The following POLR3A variants were observed in gnomAD, a reference collection of about 807,000 sequenced individuals.
The protein encoded by POLR3A is RNA polymerase III subunit A.
A neutral mutation model predicts 152.8 loss-of-function variants in POLR3A; 112 were observed. That is an observed-to-expected ratio of 0.73 (90% CI 0.63 to 0.86). The LOEUF is 0.86. POLR3A is among the 40% of genes least tolerant of loss of function. POLR3A has a pLI of 0.00. For missense variants in POLR3A, 1,385 were observed against 1,743.1 expected (o/e 0.79, Z 3.66); for synonymous variants, 615 against 652.1 (o/e 0.94, Z 0.87).
chr10:78,003,349 T>A (rs1033956891), intron 16 of POLR3A, among the ~76,000 whole-genome samples: 1 of 152,236 alleles, frequency 6.6e-6, no homozygotes, highest in African/African-American at 2.4e-5. Flanking sequence ...AACTTCCCAA[T>A]GCTTAAAGAG....
At chr10:78,000,829 T>C (rs1311548946) in intron 18 of POLR3A, 147 bp downstream of exon 18, 3 of 617,578 alleles carry the variant, frequency 4.9e-6, no homozygotes, top group Non-Finnish European at 9.2e-6. Context: ...CGGCCTGAAG[T>C]GTATCTTAAT....
intron 1 of POLR3A, 78 bp from the exon 2 acceptor site, chr10:78,026,307 A>C: frequency 1.4e-6 from 2 of 1,447,544 alleles, no homozygotes; most frequent in Non-Finnish European, 1.9e-6. Flanking sequence ...AGCCCACCAT[A>C]ACCAACCTAT....
chr10:78,021,848 T>C lies in POLR3A; in HGVS notation c.1048+12A>G. 1 of 1,613,260 alleles carries C rather than the reference T, an allele frequency of 6.2e-7. No individual in the cohort carries two copies. The highest frequency in any genetic ancestry group is 1.1e-5 in the South Asian group (1 of 91,034). On this transcript the variant is annotated intron_variant, in intron 7 of 30. Transcript: ENST00000372371. ...AGTGGGCTGGCTTCTGCACATCTTGTGGGAAACCTACCCTGTTTTCCCTTC... is the reference window on the plus strand; with the variant it reads ...AGTGGGCTGGCTTCTGCACATCTTGCGGGAAACCTACCCTGTTTTCCCTTC...
chr10:77,978,243 C>T (rs1444747850), intron 30 of POLR3A, among the ~76,000 whole-genome samples: 1 of 152,182 alleles, frequency 6.6e-6, no homozygotes, highest in African/African-American at 2.4e-5. Context: ...AGCCCCATGT[C>T]AACCTGGCAT....
chr10:78,027,713 C>T lies in POLR3A; in HGVS notation c.45-1484G>A, dbSNP rs561760200. ...TTACAGGCATACAGGCATGCGCCAC[C>T]GCACCCAGCTAATTTTTGTATTTTT... On this transcript the variant is annotated intron_variant, in intron 1 of 30. Coordinates refer to ENST00000372371, the MANE Select transcript of POLR3A (RefSeq NM_007055.4). Among the ~76,000 whole-genome samples, 390 of 152,070 alleles carry T rather than the reference C, an allele frequency of 2.6e-3. 5 individuals carry two copies. Among genetic ancestry groups the T allele is most frequent in the African/African-American group, 8.7e-3 (360 of 41,416 alleles).
In POLR3A at chr10:77,993,330, T is replaced by G; in HGVS notation, c.2654A>C (p.Gln885Pro). 1 of 1,613,700 alleles carries G rather than the reference T, an allele frequency of 6.2e-7. No individual in the cohort carries two copies. The highest frequency in any genetic ancestry group is 8.5e-7 in the Non-Finnish European group (1 of 1,179,622). Residue 885 changes from glutamine to proline, a missense_variant, in exon 20 of 31, where the codon CAG becomes CCG. By Grantham distance (76) the Gln-to-Pro change is moderately conservative (BLOSUM62 -1). This residue lies in a region of POLR3A where 178 missense variants were observed against 204.6 expected (regional missense o/e 0.87). Coordinates refer to ENST00000372371, the MANE Select transcript of POLR3A (RefSeq NM_007055.4). Reference sequence around the variant, plus strand: ...AGAGCTTCGGACTGTCAGATCATACTGGGAGCAAAGATCTTCAAGAGATTT... The same window carrying G: ...AGAGCTTCGGACTGTCAGATCATACGGGGAGCAAAGATCTTCAAGAGATTT... Reference protein sequence around the residue: ...LVKSLEDLCSQYDLTVRSSTG... With the variant: ...LVKSLEDLCSPYDLTVRSSTG...
chr10:77,985,167 C>A lies in POLR3A; in HGVS notation c.3242+3G>T. On this transcript the variant is annotated splice_donor_region_variant and intron_variant, in intron 24 of 30. Transcript: ENST00000372371. ...GGAACAAGAAGGAAATGAAAGCAGG[C>A]ACCTGATGGCCTTGGAAGCGTTGAT... 1 of 1,612,816 alleles carries A rather than the reference C, an allele frequency of 6.2e-7. No individual in the cohort carries two copies. Among genetic ancestry groups the A allele is most frequent in the South Asian group, 1.1e-5 (1 of 91,068 alleles).
chr10:78,024,444 G>T, intron 5 of POLR3A, 105 bp downstream of exon 5: 2 of 1,089,794 alleles, frequency 1.8e-6, no homozygotes, highest in Middle Eastern at 2.8e-4. Flanking sequence ...GGAAGAAAGT[G>T]GGTGTCTAGG....
At chr10:78,018,841 C>T (rs544390582) in intron 9 of POLR3A, among the ~76,000 whole-genome samples, 17 of 152,282 alleles carry the variant, frequency 1.1e-4, no homozygotes, top group African/African-American at 4.1e-4. Flanking sequence ...CCACCTTGGC[C>T]TCACAAAGTG....
In POLR3A at chr10:78,029,393, C is replaced by T. The variant is rs751868728; in HGVS notation, c.15G>A (p.Gln5=). The stretch of plus-strand genomic sequence containing the variant: ...TCTTGGCCACATCCGTCTCCCGGAA[C>T]TGCTCCTTCACCATGATGACCGCTG... MVKE[Q]FRETDVAKKI... is the part of the protein sequence containing the mutation. The change falls in exon 1 of 31, where the codon CAG becomes CAA. Residue 5 remains glutamine, a synonymous_variant. Coordinates refer to ENST00000372371, the MANE Select transcript of POLR3A (RefSeq NM_007055.4). The T allele has an allele frequency of 1.2e-6, 2 of 1,614,176 alleles. No homozygotes were observed. Among genetic ancestry groups the T allele is most frequent in the South Asian group, 2.2e-5 (2 of 91,090 alleles).
chr10:78,013,834 A>T (rs1253565491), intron 10 of POLR3A, 44 bp from the exon 11 acceptor site: 2 of 1,613,470 alleles, frequency 1.2e-6, no homozygotes, highest in Admixed American at 3.3e-5. Flanking sequence ...GGACTTAGGC[A>T]TTTATCCAAA....
chr10:78,029,287 C>T, intron 1 of POLR3A, 77 bp downstream of exon 1: 1 of 1,479,076 alleles, frequency 6.8e-7, no homozygotes. Context: ...ATCTCTGACC[C>T]TGCAAGACCC....
chr10:77,985,192 T>C lies in POLR3A; in HGVS notation c.3220A>G (p.Ile1074Val). The C allele has an allele frequency of 1.9e-6, 3 of 1,614,162 alleles. No homozygotes were observed. The highest frequency in any genetic ancestry group is 4.5e-5 in the East Asian group (2 of 44,878). ...CACCTGATGGCCTTGGAAGCGTTGA[T>C]GATCTCTTTAATCCGGGGCACGCCC... ...TLGVPRIKEI[I>V]NASKAISTPI... Residue 1074 changes from isoleucine (I) to valine (V), a missense_variant, in exon 24 of 31, where the codon ATC becomes GTC. Ile to Val is a conservative substitution (Grantham distance 29, BLOSUM62 3). Transcript: ENST00000372371.
At position 78,019,480 on chromosome 10, in the gene POLR3A, CTGAG is replaced by C. The variant is rs1847556878; in HGVS notation, c.1186-219_1186-216del. The C allele has an allele frequency of 1.0e-5, 6 of 590,424 alleles. No homozygotes were observed. The East Asian group carries it at 1.7e-4, about 17-fold the overall frequency. The allele number at this position is 590,424 out of a possible 1,614,324, so 36.6% of individuals were successfully genotyped here. On this transcript the variant is annotated intron_variant, in intron 8 of 30. Transcript: ENST00000372371. Reference sequence around the variant, plus strand: ...CAGTGTCAACTCAGCTGTTTGCTCACTGAGTGACATGGCCAATTCCTTTCCTGGT... The same window carrying C: ...CAGTGTCAACTCAGCTGTTTGCTCACTGACATGGCCAATTCCTTTCCTGGT...
chr10:77,978,251 C>T (rs1847107703), intron 30 of POLR3A, among the ~76,000 whole-genome samples: 1 of 152,146 alleles, frequency 6.6e-6, no homozygotes, highest in Admixed American at 6.5e-5. Flanking sequence ...GTCAACCTGG[C>T]ATAAGGCTTG....
At chr10:78,001,883 A>G (rs1847360652) in intron 17 of POLR3A, among the ~76,000 whole-genome samples, 1 of 150,096 alleles carries the variant, frequency 6.7e-6, no homozygotes, top group African/African-American at 2.5e-5. Flanking sequence ...GGCTCAAGCA[A>G]TCAATCGGCC....
intron 19 of POLR3A, among the ~76,000 whole-genome samples, chr10:77,993,657 T>C (rs1287448675): frequency 6.6e-6 from 1 of 152,202 alleles, no homozygotes; most frequent in Non-Finnish European, 1.5e-5. Context: ...GCAACTGCTG[T>C]TTTCCTAGGC....
At chr10:78,013,834 A>C in intron 10 of POLR3A, 44 bp from the exon 11 acceptor site, 1 of 1,613,470 alleles carries the variant, frequency 6.2e-7, no homozygotes, top group African/African-American at 1.3e-5. Context: ...GGACTTAGGC[A>C]TTTATCCAAA....
intron 12 of POLR3A, among the ~76,000 whole-genome samples, 153 bp downstream of exon 12, chr10:78,010,318 C>T (rs61854193): frequency 6.6e-6 from 1 of 151,298 alleles, no homozygotes; most frequent in Non-Finnish European, 1.5e-5. Context: ...AAAAAAAACC[C>T]ACGGGGAGGT....
Sources: allele counts gnomAD v4.1 joint callset (sites outside exome capture counted in the v4.1 genomes callset), GRCh38; gene constraint gnomAD v4.1.1; regional missense constraint gnomAD v4.1.1; transcripts MANE v1.5; gene names NCBI Gene and HGNC (gene_info 2026-07-23, HGNC 2026-07-21).